Variants in FMN1 observed in about 807,000 individuals in gnomAD.
FMN1 encodes formin 1.
A neutral mutation model predicts 132.4 loss-of-function variants in FMN1; 110 were observed. The ratio of observed to expected loss-of-function variants is 0.83; its 90% CI spans 0.71 to 0.97. The LOEUF (loss-of-function observed/expected upper bound fraction) is 0.97, where lower values mean the gene tolerates loss of function less well. Ranked by LOEUF, FMN1 falls within the 50% of genes least tolerant of loss-of-function variation. The pLI is 0.00. For missense variants in FMN1, 1,792 were observed against 1,705.3 expected (o/e 1.05, Z -0.90); for synonymous variants, 722 against 651.7 (o/e 1.11, Z -1.64).
intron 6 of FMN1, among the ~76,000 whole-genome samples, chr15:33,027,144 T>C (rs2035715377): frequency 6.6e-6 from 1 of 151,884 alleles, no homozygotes; most frequent in Non-Finnish European, 1.5e-5. Context: ...TGGGAAGAGG[T>C]AAGCTCACAT....
chr15:33,168,900 G>T lies in FMN1; in HGVS notation c.-132+11298C>A, dbSNP rs531350262. 4.6e-5 allele frequency among the ~76,000 whole-genome samples: 7 copies of T among 152,314 alleles called. No individual in the cohort carries two copies. In the East Asian group the frequency reaches 1.2e-3, roughly 25 times the overall value. On this transcript the variant is annotated intron_variant, in intron 3 of 20. Transcript: ENST00000616417. Reference sequence around the variant, plus strand: ...CAGCAGCCACAGTCTGACCCAAAGGGCTTAGCATAAAAAGTGGTGCCGCCT... The same window carrying T: ...CAGCAGCCACAGTCTGACCCAAAGGTCTTAGCATAAAAAGTGGTGCCGCCT...
At chr15:33,076,256 G>A (rs977265987) in intron 5 of FMN1, among the ~76,000 whole-genome samples, 2 of 152,122 alleles carry the variant, frequency 1.3e-5, no homozygotes, top group Non-Finnish European at 2.9e-5. Flanking sequence ...TGGAGTCTAT[G>A]GTGAAAGCAT....
chr15:33,052,838 T>C lies in FMN1; in HGVS notation c.2161+12119A>G, dbSNP rs368883388. Among the ~76,000 whole-genome samples, 32 of 152,304 alleles carry C rather than the reference T, an allele frequency of 2.1e-4. 1 individual carries two copies. In the South Asian group the frequency reaches 6.4e-3, roughly 31 times the overall value. On this transcript the variant is annotated intron_variant, in intron 6 of 20. Transcript: ENST00000616417. Reference sequence around the variant, plus strand: ...ATACACCTACCCTTTTCTAATTGGTTTTCTACACTGTCATGCCCACCTTTG... The same window carrying C: ...ATACACCTACCCTTTTCTAATTGGTCTTCTACACTGTCATGCCCACCTTTG...
chr15:32,841,080 G>C (rs2058736235), intron 17 of FMN1, among the ~76,000 whole-genome samples: 1 of 152,172 alleles, frequency 6.6e-6, no homozygotes, highest in Admixed American at 6.5e-5. Flanking sequence ...TATTACTTTA[G>C]ATATTTTTGC....
chr15:33,021,703 C>A (rs2035424832), intron 6 of FMN1, among the ~76,000 whole-genome samples: 1 of 152,140 alleles, frequency 6.6e-6, no homozygotes, highest in African/African-American at 2.4e-5. Context: ...AGAAAACTGT[C>A]ATTAAGTCCA....
chr15:33,019,943 A>G (rs568983546), intron 6 of FMN1, among the ~76,000 whole-genome samples: 1 of 152,332 alleles, frequency 6.6e-6, no homozygotes, highest in African/African-American at 2.4e-5. Flanking sequence ...TGGTGGGCTG[A>G]AGGGCTCAAG....
rs376224683 is a variant in FMN1, at chr15:33,078,606, G to C, written c.2043+10193C>G. Among the ~76,000 whole-genome samples the C allele has an allele frequency of 1.1e-3, 154 of 145,668 alleles. 1 individual carries two copies. Among genetic ancestry groups the C allele is most frequent in the African/African-American group, 3.8e-3 (148 of 39,318 alleles). Reference sequence around the variant, plus strand: ...TAGAAATAATGATACTAATAAATTGGAATTGCTTAACTAAAATCTGTAAAA... The same window carrying C: ...TAGAAATAATGATACTAATAAATTGCAATTGCTTAACTAAAATCTGTAAAA... On this transcript the variant is annotated intron_variant, in intron 5 of 20. Transcript: ENST00000616417.
intron 9 of FMN1, among the ~76,000 whole-genome samples, chr15:32,946,193 T>C (rs150045197): frequency 3.8e-4 from 58 of 152,316 alleles, no homozygotes; most frequent in African/African-American, 1.3e-3. Flanking sequence ...CCGTAATTAG[T>C]CTTATCCTCC....
intron 3 of FMN1, among the ~76,000 whole-genome samples, 181 bp from the exon 4 acceptor site, chr15:33,155,226 T>C (rs983525963): frequency 6.6e-6 from 1 of 152,122 alleles, no homozygotes; most frequent in African/African-American, 2.4e-5. Context: ...TCCTGATCAG[T>C]AGAACTTTTG....
At chr15:32,913,525 C>T (rs985491506) in intron 10 of FMN1, among the ~76,000 whole-genome samples, 1 of 152,136 alleles carries the variant, frequency 6.6e-6, no homozygotes, top group Non-Finnish European at 1.5e-5. Context: ...GTGTCCTTCC[C>T]CATTCCTGAA....
At position 32,968,998 on chromosome 15, in the gene FMN1, T is replaced by G; in HGVS notation, c.2703A>C (p.Pro901=). The stretch of plus-strand genomic sequence containing the variant: ...GTGGAGGAGGCGGAGGTGGTAGCGG[T>G]GGCCCAGCACTCACAGGTGGCATTG... The part of the protein sequence containing the change: ...APPMPPVSAG[P]PLPPPPPPPP... Residue 901 remains proline, a synonymous_variant, in exon 8 of 21, where the codon CCA becomes CCC. Transcript: ENST00000616417. The G allele has an allele frequency of 9.6e-7, 1 of 1,044,126 alleles. No individual in the cohort carries two copies. The highest frequency in any genetic ancestry group is 1.8e-5 in the African/African-American group (1 of 55,568). 64.7% of individuals were successfully genotyped at this position (1,044,126 alleles called of 1,614,324 possible). A position where few individuals can be genotyped will look rare whatever the true frequency, so the allele number is the denominator to read the frequency against.
chr15:33,025,397 T>C (rs2035619073), intron 6 of FMN1, among the ~76,000 whole-genome samples: 1 of 152,106 alleles, frequency 6.6e-6, no homozygotes, highest in Non-Finnish European at 1.5e-5. Context: ...ATTTTCAAAA[T>C]ATATCACTGA....
At chr15:33,071,893 C>G (rs1472953685) in intron 5 of FMN1, among the ~76,000 whole-genome samples, 4 of 152,174 alleles carry the variant, frequency 2.6e-5, no homozygotes, top group Non-Finnish European at 5.9e-5. Flanking sequence ...GGATAGTAAT[C>G]ACTTCTCTTG....
chr15:33,005,846 C>G (rs748861594), intron 7 of FMN1, among the ~76,000 whole-genome samples: 1 of 152,094 alleles, frequency 6.6e-6, no homozygotes, highest in African/African-American at 2.4e-5. Flanking sequence ...CACATCAGAA[C>G]AAAGAAAAAG....
At chr15:33,003,688 A>G (rs2034247820) in intron 7 of FMN1, among the ~76,000 whole-genome samples, 1 of 152,190 alleles carries the variant, frequency 6.6e-6, no homozygotes. Flanking sequence ...AATTGGAAAA[A>G]ACTACTTTAA....
intron 10 of FMN1, among the ~76,000 whole-genome samples, chr15:32,922,242 G>A (rs1053657976): frequency 3.9e-5 from 6 of 152,152 alleles, no homozygotes; most frequent in Non-Finnish European, 8.8e-5. Flanking sequence ...AAAGAAGGCA[G>A]GCAAGCAGGC....
At chr15:33,032,142 C>A (rs1452183114) in intron 6 of FMN1, among the ~76,000 whole-genome samples, 1 of 152,138 alleles carries the variant, frequency 6.6e-6, no homozygotes, top group Non-Finnish European at 1.5e-5. Flanking sequence ...GAGGTTTTAA[C>A]CATAGTATTC....
chr15:33,111,439 T>A (rs1281819965), intron 4 of FMN1, among the ~76,000 whole-genome samples: 2 of 151,998 alleles, frequency 1.3e-5, no homozygotes, highest in Non-Finnish European at 2.9e-5. Flanking sequence ...AAAGGTTAAA[T>A]CAAGAATTAG....
intron 5 of FMN1, among the ~76,000 whole-genome samples, chr15:33,087,998 G>C (rs1025488633): frequency 6.6e-6 from 1 of 152,120 alleles, no homozygotes; most frequent in African/African-American, 2.4e-5. Flanking sequence ...TCATAAGTGG[G>C]AGCTAAGCTA....
Sources: allele counts gnomAD v4.1 joint callset (sites outside exome capture counted in the v4.1 genomes callset), GRCh38; gene constraint gnomAD v4.1.1; transcripts MANE v1.5; gene names NCBI Gene and HGNC (gene_info 2026-07-23, HGNC 2026-07-21).